FAM53B: variants seen among roughly 807,000 people sequenced by gnomAD.
FAM53B encodes the protein family with sequence similarity 53 member B, also known as protein FAM53B.
FAM53B carries 12 observed loss-of-function variants against 32.7 expected under a neutral mutation model. The ratio of observed to expected loss-of-function variants is 0.37; its 90% confidence interval spans 0.24 to 0.59. The LOEUF (loss-of-function observed/expected upper bound fraction) is 0.59. Ranked by LOEUF, FAM53B falls within the 20% of genes least tolerant of loss-of-function variation. The pLI, the probability that FAM53B is intolerant of heterozygous loss-of-function variation, is 0.72. For synonymous variants in FAM53B, 234 were observed against 228.7 expected, an observed-to-expected ratio of 1.02 and a Z score of -0.21; for missense variants, 477 against 577.7, an observed-to-expected ratio of 0.83 and a Z score of 1.79.
In FAM53B at chr10:124,684,173, G is replaced by A. The variant is rs558934018; in HGVS notation, c.134-1794C>T. 5.1e-4 allele frequency among the ~76,000 whole-genome samples: 77 copies of A among 152,378 alleles called. 1 individual carries two copies. The highest frequency in any genetic ancestry group is 9.3e-4 in the Non-Finnish European group (63 of 68,042). On this transcript the variant is annotated intron_variant, in intron 3 of 4. Coordinates refer to ENST00000337318, the MANE Select transcript of FAM53B (RefSeq NM_014661.4). ...GAGGCTGTATTCATAGAGGGCCTCA[G>A]AAGCTGAAGATGCAGGAGAGAAACC...
At chr10:124,626,064 G>C (rs1265366492) in intron 4 of FAM53B, among the ~76,000 whole-genome samples, 2 of 152,274 alleles carry the variant, frequency 1.3e-5, no homozygotes, top group African/African-American at 4.8e-5. Flanking sequence ...CGACTGCCTT[G>C]GGTGTCAGCC....
chr10:124,649,718 G>A (rs1188215632), intron 4 of FAM53B, among the ~76,000 whole-genome samples: 3 of 152,298 alleles, frequency 2.0e-5, no homozygotes, highest in Non-Finnish European at 2.9e-5. Flanking sequence ...TCAGGCTGGC[G>A]GTGTCCCTGG....
chr10:124,690,295 T>G (rs1949825577), intron 3 of FAM53B, among the ~76,000 whole-genome samples: 1 of 152,234 alleles, frequency 6.6e-6, no homozygotes, highest in South Asian at 2.1e-4. Context: ...CACAGCAATC[T>G]CCATCTGACT....
chr10:124,652,233 T>C (rs1949560564), intron 4 of FAM53B, among the ~76,000 whole-genome samples: 1 of 152,170 alleles, frequency 6.6e-6, no homozygotes, highest in African/African-American at 2.4e-5. Context: ...TTCTACTCAG[T>C]AGGTGTCAAC....
At chr10:124,732,647 T>A (rs1950151617) in intron 1 of FAM53B, among the ~76,000 whole-genome samples, 1 of 152,126 alleles carries the variant, frequency 6.6e-6, no homozygotes, top group South Asian at 2.1e-4. Flanking sequence ...TCACCTGAGG[T>A]CCGGAGTTCA....
At chr10:124,698,041 CTG>C (rs1949886419) in intron 2 of FAM53B, among the ~76,000 whole-genome samples, 1 of 152,334 alleles carries the variant, frequency 6.6e-6, no homozygotes, top group African/African-American at 2.4e-5. Context: ...GCCTGCACAG[CTG>C]AGAGCTCAGC....
At chr10:124,654,136 A>T (rs1225996760) in intron 4 of FAM53B, among the ~76,000 whole-genome samples, 1 of 152,254 alleles carries the variant, frequency 6.6e-6, no homozygotes, top group Non-Finnish European at 1.5e-5. Flanking sequence ...CTAAAGAAAG[A>T]GGCTCCTATC....
chr10:124,687,352 G>T (rs1949808838), intron 3 of FAM53B, among the ~76,000 whole-genome samples: 1 of 152,192 alleles, frequency 6.6e-6, no homozygotes, highest in Admixed American at 6.5e-5. Context: ...AATTGTCATG[G>T]ATGTAGGAGT....
intron 3 of FAM53B, among the ~76,000 whole-genome samples, chr10:124,687,125 G>A (rs1426925354): frequency 2.6e-5 from 4 of 152,046 alleles, no homozygotes; most frequent in Admixed American, 6.6e-5. Context: ...TTCCCCATTC[G>A]CTCAGGGAAC....
intron 4 of FAM53B, among the ~76,000 whole-genome samples, chr10:124,652,804 C>T (rs547107227): frequency 7.2e-5 from 11 of 152,230 alleles, no homozygotes; most frequent in East Asian, 1.9e-4. Context: ...AGGGAACGGC[C>T]GAGCAAACCA....
At chr10:124,704,483 G>T (rs1183769985) in intron 2 of FAM53B, among the ~76,000 whole-genome samples, 3 of 152,212 alleles carry the variant, frequency 2.0e-5, no homozygotes, top group South Asian at 2.1e-4. Flanking sequence ...GGTGGGCGCT[G>T]GCGCTGGGAC....
At chr10:124,625,826 G>C (rs890459978) in intron 4 of FAM53B, among the ~76,000 whole-genome samples, 2 of 152,240 alleles carry the variant, frequency 1.3e-5, no homozygotes, top group African/African-American at 4.8e-5. Context: ...GCTCTGCTGA[G>C]CCAGGCTGCC....
chr10:124,635,862 T>C (rs2134041320), intron 4 of FAM53B, among the ~76,000 whole-genome samples: 1 of 152,156 alleles, frequency 6.6e-6, no homozygotes, highest in Non-Finnish European at 1.5e-5. Context: ...ACCTCCAGGG[T>C]TTACTATTCA....
intron 4 of FAM53B, among the ~76,000 whole-genome samples, chr10:124,648,702 G>A (rs1477455265): frequency 6.6e-6 from 1 of 152,246 alleles, no homozygotes; most frequent in African/African-American, 2.4e-5. Context: ...GAGCAAACAG[G>A]CTCAGAAAGG....
intron 1 of FAM53B, among the ~76,000 whole-genome samples, chr10:124,735,079 C>T (rs967286446): frequency 1.3e-5 from 2 of 152,194 alleles, no homozygotes; most frequent in Admixed American, 6.5e-5. Context: ...CCACATAACC[C>T]GCACCCGGAA....
intron 4 of FAM53B, among the ~76,000 whole-genome samples, chr10:124,638,087 G>A (rs568954716): frequency 3.9e-5 from 6 of 152,260 alleles, no homozygotes; most frequent in East Asian, 1.9e-4. Flanking sequence ...CACTAGGACC[G>A]GGCCTGGCGC....
At chr10:124,696,296 C>CCCTTTTATTGTGACTTT in intron 2 of FAM53B, 84 bp from the exon 3 acceptor site, 2 of 1,176,950 alleles carry the variant, frequency 1.7e-6, no homozygotes, top group Non-Finnish European at 2.5e-6. Flanking sequence ...TCTAAAGTCA[C>CCCTTTTATTGTGACTTT]AATAAAAGGG....
intron 2 of FAM53B, among the ~76,000 whole-genome samples, chr10:124,697,050 T>C (rs912577488): frequency 6.6e-6 from 1 of 152,044 alleles, no homozygotes; most frequent in Non-Finnish European, 1.5e-5. Flanking sequence ...GGGTTCCTCA[T>C]GCTAGGTGAT....
chr10:124,713,213 T>C (rs549697860), intron 1 of FAM53B, among the ~76,000 whole-genome samples: 1 of 152,322 alleles, frequency 6.6e-6, no homozygotes, highest in East Asian at 1.9e-4. Context: ...GGCATTATGG[T>C]TGGTAGTATG....
Sources: gnomAD v4.1 joint callset for allele counts (sites outside exome capture counted in the v4.1 genomes callset) on GRCh38, gnomAD v4.1.1 for gene constraint, MANE v1.5 for transcripts, NCBI Gene and HGNC (gene_info 2026-07-23, HGNC 2026-07-21) for gene names.